PIEZO2: variants seen among roughly 807,000 people sequenced by gnomAD.
The protein encoded by PIEZO2 is piezo type mechanosensitive ion channel component 2, also known as piezo-type mechanosensitive ion channel component 2.
In PIEZO2, 172 loss-of-function variants were observed where a neutral mutation model predicts 337.3. That is an observed-to-expected ratio of 0.51 (90% CI 0.45 to 0.58). The LOEUF (loss-of-function observed/expected upper bound fraction) is 0.58, where lower values mean the gene tolerates loss of function less well. Among genes scored for constraint, PIEZO2 ranks in the 20% least tolerant of loss-of-function variants. The pLI is 0.00. For synonymous variants in PIEZO2, 1,251 were observed against 1,228.5 expected (o/e 1.02, Z -0.38); for missense variants, 3,028 against 3,391.3 (o/e 0.89, Z 2.66).
At chr18:11,075,902 C>G (rs1396223367) in intron 1 of PIEZO2, among the ~76,000 whole-genome samples, 1 of 151,352 alleles carries the variant, frequency 6.6e-6, no homozygotes, top group Non-Finnish European at 1.5e-5. Flanking sequence ...CATTCTCCTG[C>G]CTCAGCCTCC....
At chr18:10,705,826 T>A in intron 40 of PIEZO2, 80 bp from the exon 41 acceptor site, 1 of 1,410,652 alleles carries the variant, frequency 7.1e-7, no homozygotes, top group Non-Finnish European at 9.3e-7. Context: ...CTGAGAGACC[T>A]CATCAGAACT....
chr18:11,130,214 T>C (rs1212346654), intron 1 of PIEZO2, among the ~76,000 whole-genome samples: 1 of 152,218 alleles, frequency 6.6e-6, no homozygotes, highest in Admixed American at 6.5e-5. Context: ...GACACATGGA[T>C]CTTGGAGAAT....
At chr18:10,933,337 A>G (rs989974645) in intron 3 of PIEZO2, among the ~76,000 whole-genome samples, 1 of 151,948 alleles carries the variant, frequency 6.6e-6, no homozygotes, top group African/African-American at 2.4e-5. Context: ...GTCTTTCTCC[A>G]TTTCTTCATT....
chr18:10,763,834 A>G (rs984084147), intron 21 of PIEZO2, among the ~76,000 whole-genome samples: 3 of 152,344 alleles, frequency 2.0e-5, no homozygotes, highest in Admixed American at 6.5e-5. Context: ...AGCCCAGGGA[A>G]GATGGGGAGG....
chr18:10,991,762 G>A (rs2035114157), intron 2 of PIEZO2, among the ~76,000 whole-genome samples: 1 of 152,088 alleles, frequency 6.6e-6, no homozygotes, highest in Non-Finnish European at 1.5e-5. Flanking sequence ...GGATTGCTGG[G>A]TCAAATGGTA....
At chr18:10,965,493 T>C (rs2145406052) in intron 3 of PIEZO2, among the ~76,000 whole-genome samples, 1 of 152,276 alleles carries the variant, frequency 6.6e-6, no homozygotes, top group Admixed American at 6.5e-5. Context: ...TTCAGAGGCT[T>C]GAAATATTAT....
intron 3 of PIEZO2, among the ~76,000 whole-genome samples, chr18:10,937,068 C>A (rs1342630664): frequency 3.3e-5 from 5 of 152,156 alleles, no homozygotes; most frequent in Non-Finnish European, 7.3e-5. Context: ...AGCTTACTGT[C>A]ATCAAGAGAA....
rs951619837 is a variant in PIEZO2, at chr18:10,859,594, C to G, written c.493-2383G>C. ...GATCACCCCTGTTAACAGGCAAGGG[C>G]GCCTTGCTGTCTCACCTTAAAGAAA... On this transcript the variant is annotated intron_variant, in intron 5 of 55. Coordinates refer to ENST00000674853, the MANE Select transcript of PIEZO2 (RefSeq NM_001378183.1). The surrounding 1 kb of genome is among the most constrained non-coding windows in gnomAD (Gnocchi z 4.9). Among the ~76,000 whole-genome samples, 4 of 152,240 alleles carry G rather than the reference C, an allele frequency of 2.6e-5. No individual in the cohort carries two copies. Among genetic ancestry groups the G allele is most frequent in the African/African-American group, 9.6e-5 (4 of 41,470 alleles).
At chr18:11,073,474 A>G (rs2038417767) in intron 1 of PIEZO2, among the ~76,000 whole-genome samples, 1 of 152,146 alleles carries the variant, frequency 6.6e-6, no homozygotes, top group Admixed American at 6.5e-5. Flanking sequence ...AAGGACTGAG[A>G]TTTCCACCCA....
Position 10,677,759 on chromosome 18 carries a change from G to T in PIEZO2, c.8069C>A (p.Ser2690Ter). 6.2e-7 allele frequency: 1 copy of T among 1,608,094 alleles called. No homozygotes were observed. The highest frequency in any genetic ancestry group is 8.5e-7 in the Non-Finnish European group (1 of 1,178,586). Residue 2690 changes from serine (S) to a stop codon, truncating the protein, a stop_gained, in exon 53 of 56, where the codon TCA becomes TAA. Coordinates refer to ENST00000674853, the MANE Select transcript of PIEZO2 (RefSeq NM_001378183.1). LOFTEE classifies it high-confidence loss of function. This position sits in a 1 kb window ranked among gnomAD's most constrained non-coding sequence, Gnocchi z 4.1. ...KMIAGNSTESSKTPVTIEKIY... is the reference protein window; with the variant it reads ...KMIAGNSTES The stretch of plus-strand genomic sequence containing the variant: ...AAAATACACTTACACTGGTGTTTTT[G>T]AACTTTCTGTGCTGTTGCCTGCTAT...
chr18:11,030,599 C>T (rs558898487), intron 2 of PIEZO2, among the ~76,000 whole-genome samples: 1 of 152,078 alleles, frequency 6.6e-6, no homozygotes, highest in Non-Finnish European at 1.5e-5. Flanking sequence ...TTCTGAAAGC[C>T]AAAACAATGT....
chr18:10,930,877 A>G (rs2032039516), intron 3 of PIEZO2, among the ~76,000 whole-genome samples: 1 of 152,242 alleles, frequency 6.6e-6, no homozygotes, highest in Non-Finnish European at 1.5e-5. Context: ...CGATGTCTCT[A>G]TAGGTAACCT....
At chr18:10,797,093 C>T (rs1027886685) in intron 12 of PIEZO2, among the ~76,000 whole-genome samples, 95 of 151,088 alleles carry the variant, frequency 6.3e-4, no homozygotes, top group African/African-American at 2.2e-3. Flanking sequence ...ATCTTATATA[C>T]CATTATATAT....
rs368312920 is a variant in PIEZO2, at chr18:11,002,826, T to G, written c.161-23166A>C. ...GATAATCCAATTTCAAGCACCCCAA[T>G]AAAATGGCTTTTCTCACACATTTTC... On this transcript the variant is annotated intron_variant, in intron 2 of 55. Coordinates refer to ENST00000674853, the MANE Select transcript of PIEZO2 (RefSeq NM_001378183.1). The surrounding 1 kb of genome is among the most constrained non-coding windows in gnomAD (Gnocchi z 4.3). Among the ~76,000 whole-genome samples the G allele has an allele frequency of 5.9e-4, 90 of 152,268 alleles. 2 individuals are homozygous for G. The highest frequency in any genetic ancestry group is 2.1e-3 in the African/African-American group (87 of 41,548).
chr18:10,836,401 G>A (rs1052938778), intron 7 of PIEZO2, among the ~76,000 whole-genome samples: 3 of 152,094 alleles, frequency 2.0e-5, no homozygotes, highest in Non-Finnish European at 4.4e-5. Context: ...CTCCACTCCT[G>A]TCTCCTCCCC....
rs2040898391 is a variant in PIEZO2, at chr18:10,833,114, G to A, written c.917+22239C>T. On this transcript the variant is annotated intron_variant, in intron 7 of 55. Coordinates refer to ENST00000674853, the MANE Select transcript of PIEZO2 (RefSeq NM_001378183.1). This position sits in a 1 kb window ranked among gnomAD's most constrained non-coding sequence, Gnocchi z 4.7. ...ATCGAGAGAAATCTCAGCCCCAGAA[G>A]AGCAAGTGTGGCTTTTCCTGGCAGA... is the stretch of plus-strand genomic sequence containing the variant. Among the ~76,000 whole-genome samples, 1 of 152,162 alleles carries A rather than the reference G, an allele frequency of 6.6e-6. No individual in the cohort carries two copies. Among genetic ancestry groups the A allele is most frequent in the Non-Finnish European group, 1.5e-5 (1 of 68,022 alleles).
intron 49 of PIEZO2, among the ~76,000 whole-genome samples, chr18:10,684,310 T>C (rs370678876): frequency 0.018 from 2,248 of 123,768 alleles, 37 homozygotes; most frequent in South Asian, 0.1. Context: ...GGACTACAGG[T>C]GCCCGCCACC....
At chr18:11,059,175 G>T (rs936121540) in intron 2 of PIEZO2, among the ~76,000 whole-genome samples, 4 of 152,146 alleles carry the variant, frequency 2.6e-5, no homozygotes, top group African/African-American at 9.7e-5. Flanking sequence ...AAGTGAAGGA[G>T]AAATAAAATA....
Position 11,077,412 on chromosome 18 carries a change from A to G in PIEZO2, c.65-11190T>C, listed in dbSNP as rs139684811. 0.079 allele frequency among the ~76,000 whole-genome samples: 11,999 copies of G among 152,188 alleles called. 1,226 individuals are homozygous for G. Among genetic ancestry groups the G allele is most frequent in the African/African-American group, 0.23 (9,716 of 41,476 alleles). ...CCAGGTGTGGTGGCTCATGCCTACA[A>G]TCCCAGCACTTTGGGAGGCAGAGGC... is the stretch of plus-strand genomic sequence containing the variant. On this transcript the variant is annotated intron_variant, in intron 1 of 55. Transcript: ENST00000674853. This position sits in a 1 kb window ranked among gnomAD's most constrained non-coding sequence, Gnocchi z 4.8.
Sources: allele counts gnomAD v4.1 joint callset (sites outside exome capture counted in the v4.1 genomes callset), GRCh38; gene constraint gnomAD v4.1.1; non-coding constraint Gnocchi (gnomAD v3.1); transcripts MANE v1.5; gene names NCBI Gene and HGNC (gene_info 2026-07-23, HGNC 2026-07-21).